ABCB7: variants seen among roughly 807,000 people sequenced by gnomAD.
ABCB7 encodes the protein iron-sulfur clusters transporter ABCB7, mitochondrial.
ABCB7 carries 7 observed loss-of-function variants against 54.4 expected under a neutral mutation model. The observed-to-expected ratio is 0.13, with a 90% CI of 0.07 to 0.24. The LOEUF is 0.24. ABCB7 is among the 10% of genes least tolerant of loss of function. ABCB7 has a pLI of 1.00. For synonymous variants in ABCB7, 218 were observed against 207.1 expected, an observed-to-expected ratio of 1.05 and a Z score of -0.45; for missense variants, 356 against 570.4, an observed-to-expected ratio of 0.62 and a Z score of 3.83.
At chrX:75,138,192 T>C (rs893656154) in intron 1 of ABCB7, among the ~76,000 whole-genome samples, 1 of 103,241 alleles carries the variant, frequency 9.7e-6, no homozygotes, top group Non-Finnish European at 2.0e-5. Flanking sequence ...TAACAAGTGT[T>C]GACAAGGATG....
Position 75,094,042 on chromosome X carries a change from ATATATATATATC to A in ABCB7, c.453+4888_453+4899del, listed in dbSNP as rs1183316680. ...TACATATATATATATATATATATATATATATATATATCTATCTTATTATTTGTTAGTCACTCA... is the reference window on the plus strand; with the variant it reads ...TACATATATATATATATATATATATATATCTTATTATTTGTTAGTCACTCA... On this transcript the variant is annotated intron_variant, in intron 4 of 15. Coordinates refer to ENST00000373394, the MANE Select transcript of ABCB7 (RefSeq NM_001271696.3). 3.2e-3 allele frequency among the ~76,000 whole-genome samples: 71 copies of A among 21,891 alleles called. 1 individual carries two copies. Among genetic ancestry groups the A allele is most frequent in the Non-Finnish European group, 0.029 (34 of 1,176 alleles). The allele number at this position is 21,891 out of a possible 115,157, so 19.0% of individuals were successfully genotyped here. A position where few individuals can be genotyped will look rare whatever the true frequency, so the allele number is the denominator to read the frequency against.
chrX:75,060,157 G>C, intron 15 of ABCB7, 66 bp downstream of exon 15: 2 of 900,547 alleles, frequency 2.2e-6, no homozygotes, highest in Non-Finnish European at 3.2e-6. Flanking sequence ...CAATATTTAA[G>C]CTTCTTGTAT....
intron 15 of ABCB7, among the ~76,000 whole-genome samples, chrX:75,054,879 T>C (rs144591517): frequency 1.9e-3 from 212 of 111,239 alleles, no homozygotes; most frequent in Middle Eastern, 4.6e-3. Flanking sequence ...TCTGAAGTTC[T>C]AGACACTTTT....
chrX:75,117,210 C>T (rs1040986973), intron 1 of ABCB7, among the ~76,000 whole-genome samples: 1 of 109,774 alleles, frequency 9.1e-6, no homozygotes, highest in African/African-American at 3.3e-5. Flanking sequence ...CCAGTAACAT[C>T]TTTCTGGCAA....
chrX:75,118,792 G>A (rs2081846924), intron 1 of ABCB7, among the ~76,000 whole-genome samples: 1 of 111,676 alleles, frequency 9.0e-6, no homozygotes, highest in Non-Finnish European at 1.9e-5. Flanking sequence ...AGCCACCTAG[G>A]AAGTATGGAG....
intron 2 of ABCB7, among the ~76,000 whole-genome samples, chrX:75,113,357 C>T (rs1307363576): frequency 8.9e-6 from 1 of 112,239 alleles, no homozygotes; most frequent in East Asian, 2.8e-4. Flanking sequence ...ATCTCACTTG[C>T]TTTCCTTGTG....
intron 6 of ABCB7, among the ~76,000 whole-genome samples, chrX:75,074,717 T>C (rs1015436359): frequency 8.9e-6 from 1 of 111,760 alleles, no homozygotes; most frequent in African/African-American, 3.2e-5. Flanking sequence ...GAGACCATTA[T>C]CTTAAGTGAA....
chrX:75,085,318 A>G (rs1569226078), intron 4 of ABCB7, among the ~76,000 whole-genome samples: 1 of 112,497 alleles, frequency 8.9e-6, no homozygotes, highest in Non-Finnish European at 1.9e-5. Flanking sequence ...CCAAGACATC[A>G]TGCTTAATGT....
chrX:75,096,739 C>A (rs2081594615), intron 4 of ABCB7, among the ~76,000 whole-genome samples: 1 of 110,598 alleles, frequency 9.0e-6, no homozygotes, highest in South Asian at 3.9e-4. Context: ...CTGATTATAC[C>A]CACTTTTGTT....
chrX:75,061,956 TC>T (rs2081285109), intron 14 of ABCB7, among the ~76,000 whole-genome samples: 1 of 112,354 alleles, frequency 8.9e-6, no homozygotes, highest in Non-Finnish European at 1.9e-5. Flanking sequence ...CACAATCACT[TC>T]CATGACTATT....
At chrX:75,070,323 A>T (rs754836771) in intron 10 of ABCB7, 42 bp downstream of exon 10, 1 of 1,128,134 alleles carries the variant, frequency 8.9e-7, no homozygotes, top group Admixed American at 2.2e-5. Flanking sequence ...TAATAGGATG[A>T]TGTTCACATA....
chrX:75,085,476 G>A (rs1162835726), intron 4 of ABCB7, among the ~76,000 whole-genome samples: 2 of 111,512 alleles, frequency 1.8e-5, no homozygotes, highest in Non-Finnish European at 3.8e-5. Flanking sequence ...GTAACAAAAG[G>A]GAGATTTTTG....
chrX:75,105,024 T>C (rs2081680022), intron 3 of ABCB7, among the ~76,000 whole-genome samples: 1 of 110,248 alleles, frequency 9.1e-6, no homozygotes, highest in Admixed American at 9.7e-5. Context: ...ATAGAAAAAA[T>C]ACACCTCAAA....
intron 1 of ABCB7, among the ~76,000 whole-genome samples, chrX:75,141,646 ATTAAC>A (rs1408786093): frequency 1.2e-4 from 14 of 112,028 alleles, no homozygotes; most frequent in African/African-American, 4.2e-4. Context: ...GTATCTGTAT[ATTAAC>A]TTATAAACAT....
chrX:75,150,586 A>G (rs1358848050), intron 1 of ABCB7, among the ~76,000 whole-genome samples: 4 of 111,265 alleles, frequency 3.6e-5, no homozygotes, highest in African/African-American at 1.3e-4. Context: ...AAAAAGGAAA[A>G]ATTATTTAAC....
intron 1 of ABCB7, among the ~76,000 whole-genome samples, chrX:75,133,109 G>A (rs2081986599): frequency 8.9e-6 from 1 of 111,787 alleles, no homozygotes; most frequent in African/African-American, 3.3e-5. Flanking sequence ...TTTAAGAGAT[G>A]AAAGACAAAA....
intron 4 of ABCB7, among the ~76,000 whole-genome samples, chrX:75,098,686 T>C: frequency 9.0e-6 from 1 of 111,727 alleles, no homozygotes; most frequent in African/African-American, 3.3e-5. Flanking sequence ...TATGCTTTGT[T>C]ACAATCAATG....
At chrX:75,077,000 T>C (rs2081415805) in intron 4 of ABCB7, among the ~76,000 whole-genome samples, 1 of 112,229 alleles carries the variant, frequency 8.9e-6, no homozygotes, top group South Asian at 3.7e-4. Context: ...TGTCTTACAC[T>C]GTAGTTATTT....
At position 75,075,330 on chromosome X, in the gene ABCB7, T is replaced by C. The variant is rs371719526; in HGVS notation, c.855+32A>G. Reference sequence around the variant, plus strand: ...AATTGCTACTAATGAGAATTTAAGATAAAAGCTTGTTATGAAAAATGTTTA... The same window carrying C: ...AATTGCTACTAATGAGAATTTAAGACAAAAGCTTGTTATGAAAAATGTTTA... On this transcript the variant is annotated intron_variant, in intron 6 of 15. Coordinates refer to ENST00000373394, the MANE Select transcript of ABCB7 (RefSeq NM_001271696.3). 5.0e-6 allele frequency: 6 copies of C among 1,193,988 alleles called. No homozygotes were observed. In the African/African-American group the frequency reaches 7.0e-5, roughly 14 times the overall value.
Sources: allele counts gnomAD v4.1 joint callset (sites outside exome capture counted in the v4.1 genomes callset), GRCh38; gene constraint gnomAD v4.1.1; transcripts MANE v1.5; gene names NCBI Gene and HGNC (gene_info 2026-07-23, HGNC 2026-07-21).